CHN2: variants seen among roughly 807,000 people sequenced by gnomAD.
CHN2 encodes beta-chimaerin.
Under a neutral mutation model 56.3 loss-of-function variants are expected in CHN2, and 35 were observed. That is an observed-to-expected ratio of 0.62 (90% CI 0.47 to 0.82). The LOEUF is 0.82. Among genes scored for constraint, CHN2 ranks in the 40% least tolerant of loss-of-function variants. CHN2 has a pLI of 0.00. For missense variants in CHN2, 491 were observed against 580.5 expected (o/e 0.85, Z 1.58); for synonymous variants, 210 against 212.8 (o/e 0.99, Z 0.12).
intron 1 of CHN2, chr7:29,333,113 T>A (rs898220466): frequency 1.1e-4 from 16 of 152,262 alleles, no homozygotes; most frequent in African/African-American, 3.9e-4. Context: ...ACAGTGGTAG[T>A]CTGTGGAGCT....
intron 1 of CHN2, among the ~76,000 whole-genome samples, chr7:29,334,754 TCAAACAAA>T (rs148773641): frequency 0.014 from 2,139 of 152,180 alleles, 52 homozygotes; most frequent in African/African-American, 0.048. Flanking sequence ...AGACCCTGTC[TCAAACAAA>T]CAAACAAACA....
chr7:29,148,199 A>G (rs1373026729), intron 2 of CHN2, among the ~76,000 whole-genome samples: 3 of 152,228 alleles, frequency 2.0e-5, no homozygotes, highest in Admixed American at 6.5e-5. Flanking sequence ...TTTGCCTTCT[A>G]AAGTGTGGGC....
At chr7:29,149,386 G>A (rs1395400792) in intron 2 of CHN2, among the ~76,000 whole-genome samples, 5 of 151,872 alleles carry the variant, frequency 3.3e-5, no homozygotes, top group African/African-American at 1.2e-4. Flanking sequence ...TAGACACGGG[G>A]TTTCACCATA....
chr7:29,331,613 C>A (rs751871679), intron 1 of CHN2, among the ~76,000 whole-genome samples: 1 of 152,160 alleles, frequency 6.6e-6, no homozygotes. Flanking sequence ...ATGGAAGAGA[C>A]CCCTGGGAGA....
chr7:29,404,803 G>A (rs1199818341), intron 6 of CHN2, among the ~76,000 whole-genome samples: 2 of 152,000 alleles, frequency 1.3e-5, no homozygotes, highest in Non-Finnish European at 2.9e-5. Flanking sequence ...GGGCTCAAGC[G>A]ATCCTCCCAT....
chr7:29,423,594 C>T (rs1047972736), intron 6 of CHN2, among the ~76,000 whole-genome samples: 10 of 152,316 alleles, frequency 6.6e-5, no homozygotes, highest in East Asian at 1.9e-4. Flanking sequence ...CCAGGAAGGA[C>T]GAAATCTCAG....
chr7:29,480,705 T>G (rs1022965067), intron 7 of CHN2, among the ~76,000 whole-genome samples: 10 of 152,238 alleles, frequency 6.6e-5, no homozygotes, highest in Non-Finnish European at 1.5e-4. Flanking sequence ...GCAGTACTTT[T>G]CCACTCAGTA....
At chr7:29,258,802 G>C (rs1789287917) in intron 1 of CHN2, among the ~76,000 whole-genome samples, 1 of 152,140 alleles carries the variant, frequency 6.6e-6, no homozygotes, top group Admixed American at 6.5e-5. Context: ...ACTTAGAACT[G>C]TACAACCTCT....
chr7:29,316,475 A>T (rs1200209084), intron 1 of CHN2, among the ~76,000 whole-genome samples: 2 of 152,176 alleles, frequency 1.3e-5, no homozygotes, highest in Non-Finnish European at 2.9e-5. Flanking sequence ...AAAAAGCCTG[A>T]TTAGAATCAC....
At chr7:29,263,449 C>T (rs1454628468) in intron 1 of CHN2, among the ~76,000 whole-genome samples, 1 of 151,776 alleles carries the variant, frequency 6.6e-6, no homozygotes, top group Non-Finnish European at 1.5e-5. Context: ...CCGGCCGCCA[C>T]CCCGTATAGG....
intron 1 of CHN2, among the ~76,000 whole-genome samples, chr7:29,204,728 A>G (rs1411479853): frequency 2.6e-5 from 4 of 152,150 alleles, no homozygotes; most frequent in Non-Finnish European, 5.9e-5. Context: ...TGATGTTAAT[A>G]TGCCCTAGGG....
Position 29,366,139 on chromosome 7 carries a change from C to T in CHN2, c.89-1793C>T, listed in dbSNP as rs149351421. On this transcript the variant is annotated intron_variant, in intron 2 of 12. Transcript: ENST00000222792. ...CTTTTGACATGTTGAAGTTGAGGTC[C>T]CTTTTCTTTTGAGAAAATCAGGAGG... 4.8e-3 allele frequency among the ~76,000 whole-genome samples: 734 copies of T among 152,174 alleles called. 4 individuals carry two copies. Among genetic ancestry groups the T allele is most frequent in the African/African-American group, 0.016 (678 of 41,504 alleles).
intron 1 of CHN2, among the ~76,000 whole-genome samples, chr7:29,253,509 A>G (rs1351896067): frequency 6.6e-6 from 1 of 152,200 alleles, no homozygotes; most frequent in Non-Finnish European, 1.5e-5. Context: ...CAAACTAGGC[A>G]TTCTGTTTGT....
intron 3 of CHN2, among the ~76,000 whole-genome samples, chr7:29,385,692 T>C (rs1800863002): frequency 6.6e-6 from 1 of 152,190 alleles, no homozygotes; most frequent in Non-Finnish European, 1.5e-5. Context: ...CAAATGTCCC[T>C]TGAGGAGCAG....
intron 1 of CHN2, among the ~76,000 whole-genome samples, chr7:29,210,940 G>A (rs1208130407): frequency 2.0e-5 from 3 of 152,216 alleles, no homozygotes; most frequent in Non-Finnish European, 2.9e-5. Flanking sequence ...CTGGCAGGGA[G>A]GAGGAGGCGG....
chr7:29,380,147 A>C (rs531828531), intron 3 of CHN2, among the ~76,000 whole-genome samples: 2 of 151,988 alleles, frequency 1.3e-5, no homozygotes, highest in Non-Finnish European at 2.9e-5. Flanking sequence ...TGTCTATAAG[A>C]AGAAGGCAAA....
intron 4 of CHN2, among the ~76,000 whole-genome samples, chr7:29,395,250 C>A (rs1050053819): frequency 6.6e-6 from 1 of 152,222 alleles, no homozygotes; most frequent in African/African-American, 2.4e-5. Context: ...TGGCTGGGCA[C>A]AGTGGCTCAC....
chr7:29,288,842 A>C (rs1223416923), intron 1 of CHN2: 2 of 152,368 alleles, frequency 1.3e-5, no homozygotes, highest in East Asian at 3.9e-4. Context: ...TGTAGTGGGC[A>C]CTCAGGGGAT....
intron 1 of CHN2, among the ~76,000 whole-genome samples, chr7:29,259,770 A>C (rs761125357): frequency 1.3e-5 from 2 of 152,128 alleles, no homozygotes; most frequent in Non-Finnish European, 2.9e-5. Flanking sequence ...AGGATGTGTT[A>C]ATTAATTTGG....
Sources: allele counts gnomAD v4.1 joint callset (sites outside exome capture counted in the v4.1 genomes callset), GRCh38; gene constraint gnomAD v4.1.1; transcripts MANE v1.5; gene names NCBI Gene and HGNC (gene_info 2026-07-23, HGNC 2026-07-21).